Variants in ZNF226 observed in about 807,000 individuals in gnomAD.
The protein encoded by ZNF226 is Kruppel-associated box protein.
In ZNF226, 6 loss-of-function variants were observed where a neutral mutation model predicts 11.4. The observed-to-expected ratio is 0.53, with a 90% CI of 0.29 to 1.04. ZNF226 has a LOEUF of 1.04. Among genes scored for constraint, ZNF226 ranks in the 50% least tolerant of loss-of-function variants. ZNF226 has a pLI of 0.08. For missense variants in ZNF226, 1,058 were observed against 956.5 expected, an observed-to-expected ratio of 1.11 and a Z score of -1.40; for synonymous variants, 350 against 322.8, an observed-to-expected ratio of 1.08 and a Z score of -0.90.
chr19:44,181,894 AG>A (rs1178449750), downstream of ZNF226, among the ~76,000 whole-genome samples: 1 of 152,152 alleles, frequency 6.6e-6, no homozygotes, highest in Non-Finnish European at 1.5e-5. Flanking sequence ...AGACAATGGG[AG>A]GAGTCACCAA....
chr19:44,184,374 G>A, the ZNF226 span, among the ~76,000 whole-genome samples: 3 of 152,118 alleles, frequency 2.0e-5, no homozygotes, highest in Non-Finnish European at 4.4e-5. Context: ...GAGGTCAGGG[G>A]TTCAAGACCA....
At chr19:44,195,563 G>A in the ZNF226 span, among the ~76,000 whole-genome samples, 1 of 152,188 alleles carries the variant, frequency 6.6e-6, no homozygotes, top group Non-Finnish European at 1.5e-5. Flanking sequence ...GGTTACATGA[G>A]TTTTTTGAAA....
In ZNF226 at chr19:44,176,833, T is replaced by A. The variant is rs1970728908; in HGVS notation, c.1571T>A (p.Val524Asp). 1 of 1,613,964 alleles carries A rather than the reference T, an allele frequency of 6.2e-7. No homozygotes were observed. Among genetic ancestry groups the A allele is most frequent in the Non-Finnish European group, 8.5e-7 (1 of 1,180,018 alleles). ...RNSHYQVHLV[V>D]HTGEKPYKCE... is the part of the protein sequence containing the mutation. ...TCCCATTATCAAGTTCATCTAGTGG[T>A]CCACACAGGAGAGAAACCCTATAAA... Residue 524 changes from valine to aspartate, a missense_variant, in exon 6 of 6, where the codon GTC becomes GAC. Transcript: ENST00000337433.
At chr19:44,185,687 A>G in the ZNF226 span, among the ~76,000 whole-genome samples, 1 of 151,814 alleles carries the variant, frequency 6.6e-6, no homozygotes, top group South Asian at 2.1e-4. Flanking sequence ...ATAACTTGCA[A>G]TTTTCCTCCA....
downstream of ZNF226, among the ~76,000 whole-genome samples, chr19:44,178,869 G>A (rs1388612456): frequency 6.6e-6 from 1 of 152,128 alleles, no homozygotes; most frequent in African/African-American, 2.4e-5. Context: ...TGACAGAAGA[G>A]TGTAACAGTT....
chr19:44,196,076 A>T, the ZNF226 span, among the ~76,000 whole-genome samples: 1 of 152,054 alleles, frequency 6.6e-6, no homozygotes, highest in East Asian at 1.9e-4. Context: ...CAGGGGGATG[A>T]ATAGTTTTGC....
chr19:44,167,925 G>C (rs1165130172), intron 2 of ZNF226: 1 of 152,170 alleles, frequency 6.6e-6, no homozygotes, highest in Non-Finnish European at 1.5e-5. Flanking sequence ...GTTGGGGAGA[G>C]TTTTAGGCAA....
chr19:44,176,086 C>T lies in ZNF226; in HGVS notation c.824C>T (p.Ser275Leu), dbSNP rs1568571381. 1.2e-6 allele frequency: 2 copies of T among 1,614,130 alleles called. No homozygotes were observed. Among genetic ancestry groups the T allele is most frequent in the Admixed American group, 3.3e-5 (2 of 60,014 alleles). The change falls in exon 6 of 6, where the codon TCA becomes TTA. Residue 275 changes from serine to leucine, a missense_variant. Physicochemically the swap from Ser to Leu is moderately radical, Grantham distance 145. Transcript: ENST00000337433. ...SSFDLHQQLQSGEKSLTCVER... is the reference protein window; with the variant it reads ...SSFDLHQQLQLGEKSLTCVER... ...TTTGATCTTCATCAGCAGTTACAAT[C>T]AGGAGAGAAGTCTCTTACATGTGTT...
downstream of ZNF226, among the ~76,000 whole-genome samples, chr19:44,182,348 C>G (rs953677422): frequency 7.0e-6 from 1 of 143,698 alleles, no homozygotes; most frequent in Non-Finnish European, 1.5e-5. Context: ...TGCGCGCGCG[C>G]GCGTGCATAC....
the ZNF226 span, among the ~76,000 whole-genome samples, chr19:44,184,682 C>A: frequency 6.6e-6 from 1 of 152,082 alleles, no homozygotes; most frequent in African/African-American, 2.4e-5. Flanking sequence ...TCTAAAACCA[C>A]CAGGGAAGAG....
chr19:44,177,615 A>G lies in ZNF226; in HGVS notation c.2353A>G (p.Ser785Gly). 6.2e-7 allele frequency: 1 copy of G among 1,613,558 alleles called. No individual in the cohort carries two copies. Among genetic ancestry groups the G allele is most frequent in the Non-Finnish European group, 8.5e-7 (1 of 1,179,700 alleles). The change falls in exon 6 of 6, where the codon AGT (serine) becomes GGT (glycine). Residue 785 changes from serine to glycine, a missense_variant. Physicochemically the swap from Ser to Gly is moderately conservative, Grantham distance 56. Coordinates refer to ENST00000337433, the MANE Select transcript of ZNF226 (RefSeq NM_001032373.2). ...RIHVGDKSYK[S>G]NRGGKNIRES... ...CCATGTTGGTGATAAATCCTATAAAAGTAATAGGGGTGGTAAGAACATCAG... is the reference window on the plus strand; with the variant it reads ...CCATGTTGGTGATAAATCCTATAAAGGTAATAGGGGTGGTAAGAACATCAG...
At chr19:44,174,844 T>C (rs1970535790) in intron 5 of ZNF226, 1 of 770,834 alleles carries the variant, frequency 1.3e-6, no homozygotes, top group Non-Finnish European at 2.0e-6. Flanking sequence ...GCATAGGTCT[T>C]CATGCTTTCC....
downstream of ZNF226, among the ~76,000 whole-genome samples, chr19:44,178,946 G>A (rs1158039116): frequency 5.3e-5 from 8 of 152,252 alleles, no homozygotes; most frequent in East Asian, 1.9e-4. Flanking sequence ...TTGGGAGGCC[G>A]AGGTGGGTGG....
At chr19:44,195,589 A>G in the ZNF226 span, among the ~76,000 whole-genome samples, 2 of 152,234 alleles carry the variant, frequency 1.3e-5, no homozygotes, top group Non-Finnish European at 2.9e-5. Context: ...ATCTTTGGCT[A>G]CAAGGATCAC....
downstream of ZNF226, among the ~76,000 whole-genome samples, chr19:44,179,898 C>G (rs903131246): frequency 5.9e-5 from 9 of 151,722 alleles, no homozygotes; most frequent in African/African-American, 1.9e-4. Flanking sequence ...ACCTGGCCAA[C>G]ATGGTGAAAC....
In ZNF226 at chr19:44,172,136, T is replaced by C. The variant is rs190344630; in HGVS notation, c.64T>C (p.Leu22=). Residue 22 remains leucine (L), a synonymous_variant, in exon 4 of 6, where the codon TTG becomes CTG. Transcript: ENST00000337433. The part of the protein sequence containing the change: ...DVAVAFTEEE[L]GLLGPAQRKL... ...GGCTGTGGCCTTCACGGAGGAGGAA[T>C]TGGGGCTGCTGGGCCCTGCCCAGAG... 15 of 1,613,228 alleles carry C rather than the reference T, an allele frequency of 9.3e-6. No homozygotes were observed. The highest frequency in any genetic ancestry group is 3.3e-5 in the Admixed American group (2 of 60,002).
chr19:44,184,874 A>C, the ZNF226 span, among the ~76,000 whole-genome samples: 1 of 152,214 alleles, frequency 6.6e-6, no homozygotes, highest in African/African-American at 2.4e-5. Flanking sequence ...GATCTATAGA[A>C]CTTTTCATCT....
At chr19:44,189,785 TG>T in the ZNF226 span, among the ~76,000 whole-genome samples, 1 of 152,374 alleles carries the variant, frequency 6.6e-6, no homozygotes, top group African/African-American at 2.4e-5. Context: ...TTGAGAAAGC[TG>T]TCCACAGCAT....
the ZNF226 span, among the ~76,000 whole-genome samples, chr19:44,198,613 C>T: frequency 6.6e-6 from 1 of 152,074 alleles, no homozygotes; most frequent in Non-Finnish European, 1.5e-5. Flanking sequence ...TAACCAAAGA[C>T]CCCTATTGTT....
Sources: allele counts gnomAD v4.1 joint callset (sites outside exome capture counted in the v4.1 genomes callset), GRCh38; gene constraint gnomAD v4.1.1; transcripts MANE v1.5; gene names NCBI Gene and HGNC (gene_info 2026-07-23, HGNC 2026-07-21).